STON2: variants seen among roughly 807,000 people sequenced by gnomAD.
The protein encoded by STON2 is stonin 2, also known as stonin-2.
Under a neutral mutation model 65.7 loss-of-function variants are expected in STON2, and 29 were observed. The ratio of observed to expected loss-of-function variants is 0.44; its 90% CI spans 0.33 to 0.60. The LOEUF (loss-of-function observed/expected upper bound fraction) is 0.60. Among genes scored for constraint, STON2 ranks in the 20% least tolerant of loss-of-function variants. STON2 has a pLI of 0.03. For missense variants in STON2, 1,054 were observed against 1,118.1 expected, an observed-to-expected ratio of 0.94 and a Z score of 0.82; for synonymous variants, 404 against 414.2, an observed-to-expected ratio of 0.98 and a Z score of 0.30.
At chr14:81,291,857 G>GTA (rs1895567787) in intron 5 of STON2, among the ~76,000 whole-genome samples, 2 of 112,384 alleles carry the variant, frequency 1.8e-5, no homozygotes, top group East Asian at 2.6e-4. Context: ...CTTAGCATGG[G>GTA]TACACACACA....
chr14:81,315,464 T>TC (rs1309386172), intron 5 of STON2, among the ~76,000 whole-genome samples: 2 of 152,114 alleles, frequency 1.3e-5, no homozygotes, highest in Non-Finnish European at 2.9e-5. Context: ...AAAACAGTGG[T>TC]CCCCCCAGAC....
rs544250151 is a variant in STON2 at position 81,267,244 on chromosome 14, G to A, written c.*1170C>T. On this transcript the variant is annotated 3_prime_UTR_variant, in exon 8 of 8. Coordinates refer to ENST00000614646, the MANE Select transcript of STON2 (RefSeq NM_001394390.1). ...TGAAGAAAAAGAAGATGGAGTGAGC[G>A]TTCTGACTCTTGGAATCAGAATATA... is the stretch of plus-strand genomic sequence containing the variant. The A allele has an allele frequency of 2.1e-5, 21 of 985,196 alleles. No homozygotes were observed. The highest frequency in any genetic ancestry group is 8.7e-5 in the African/African-American group (5 of 57,214). 61.0% of individuals were successfully genotyped at this position (985,196 alleles called of 1,614,324 possible). A position where few individuals can be genotyped will look rare whatever the true frequency, so the allele number is the denominator to read the frequency against.
intron 5 of STON2, among the ~76,000 whole-genome samples, chr14:81,287,849 T>C (rs1021446486): frequency 6.6e-6 from 1 of 152,178 alleles, no homozygotes; most frequent in Admixed American, 6.5e-5. Flanking sequence ...AACTGGCTTA[T>C]TGGTTCCCTG....
At chr14:81,365,495 C>T (rs1468714816) in intron 4 of STON2, among the ~76,000 whole-genome samples, 2 of 152,190 alleles carry the variant, frequency 1.3e-5, no homozygotes, top group South Asian at 2.1e-4. Flanking sequence ...GTGGCTCATG[C>T]CTTTAATCTC....
upstream of STON2, among the ~76,000 whole-genome samples, chr14:81,405,089 G>A (rs778137252): frequency 1.5e-4 from 23 of 152,044 alleles, no homozygotes; most frequent in East Asian, 1.9e-4. Context: ...CATTTTACTC[G>A]AAGTTAGTGG....
chr14:81,424,604 G>T (rs1381587164), intron 2 of STON2, among the ~76,000 whole-genome samples: 4 of 152,048 alleles, frequency 2.6e-5, no homozygotes, highest in African/African-American at 9.7e-5. Flanking sequence ...CAACTTCTCA[G>T]GGACACTTCC....
intron 2 of STON2, among the ~76,000 whole-genome samples, chr14:81,416,617 G>A (rs1901449317): frequency 6.6e-6 from 1 of 152,188 alleles, no homozygotes; most frequent in East Asian, 1.9e-4. Flanking sequence ...TGCCTGTCTG[G>A]GTGCTCCACA....
At chr14:81,388,848 T>C (rs1187664867) in intron 3 of STON2, among the ~76,000 whole-genome samples, 11 of 152,228 alleles carry the variant, frequency 7.2e-5, no homozygotes, top group Non-Finnish European at 1.5e-4. Context: ...TGCTAGTCTC[T>C]TTCCCAACTT....
intron 4 of STON2, among the ~76,000 whole-genome samples, chr14:81,329,944 T>C (rs1227164113): frequency 2.6e-5 from 4 of 152,174 alleles, no homozygotes; most frequent in Admixed American, 6.5e-5. Context: ...GGCACTGATA[T>C]GTTAGGAATG....
intron 5 of STON2, among the ~76,000 whole-genome samples, chr14:81,299,926 C>A (rs1895906173): frequency 6.7e-6 from 1 of 148,772 alleles, no homozygotes. Flanking sequence ...CAATATGATT[C>A]CAATAAAAAC....
intron 4 of STON2, among the ~76,000 whole-genome samples, chr14:81,339,354 G>A (rs944676211): frequency 1.3e-5 from 2 of 152,182 alleles, no homozygotes; most frequent in African/African-American, 4.8e-5. Context: ...CAGAAGGTTT[G>A]TAAATGCGGG....
intron 4 of STON2, among the ~76,000 whole-genome samples, chr14:81,346,311 G>C (rs898278134): frequency 6.6e-6 from 1 of 152,104 alleles, no homozygotes; most frequent in African/African-American, 2.4e-5. Flanking sequence ...ATGTAAAGAA[G>C]AATGTCAGCA....
At chr14:81,318,825 A>C (rs907559335) in intron 5 of STON2, among the ~76,000 whole-genome samples, 2 of 152,238 alleles carry the variant, frequency 1.3e-5, no homozygotes, top group South Asian at 4.1e-4. Flanking sequence ...TGGATGACAG[A>C]GTGAGACTCT....
rs1302236477 is a variant in STON2 at position 81,261,479 on chromosome 14, T to C, written c.*6935A>G. On this transcript the variant is annotated 3_prime_UTR_variant, in exon 8 of 8. Transcript: ENST00000614646. ...ATACCATGAAAGAGATGCTATTTTG[T>C]AGCTTGTACATAGTTTAAAATTTTT... is the stretch of plus-strand genomic sequence containing the variant. 2 of 213,470 alleles carry C rather than the reference T, an allele frequency of 9.4e-6. No individual in the cohort carries two copies. The highest frequency in any genetic ancestry group is 2.0e-4 in the East Asian group (2 of 10,156). 13.2% of individuals were successfully genotyped at this position (213,470 alleles called of 1,614,324 possible). A position where few individuals can be genotyped will look rare whatever the true frequency, so the allele number is the denominator to read the frequency against.
At chr14:81,403,514 G>A (rs1900701145), upstream of STON2, among the ~76,000 whole-genome samples, 2 of 152,144 alleles carry the variant, frequency 1.3e-5, no homozygotes, top group African/African-American at 4.8e-5. Context: ...AATGCTAAAA[G>A]GTACAAGGGC....
intron 4 of STON2, among the ~76,000 whole-genome samples, chr14:81,370,720 CCAAA>C (rs1460449472): frequency 2.6e-5 from 4 of 152,160 alleles, no homozygotes; most frequent in Admixed American, 6.5e-5. Context: ...GGTATTTATA[CCAAA>C]CAGTCAGAAA....
Position 81,267,814 on chromosome 14 carries a change from A to G in STON2, c.*600T>C, listed in dbSNP as rs1326795178. 2 of 985,338 alleles carry G rather than the reference A, an allele frequency of 2.0e-6. No individual in the cohort carries two copies. Among genetic ancestry groups the G allele is most frequent in the Non-Finnish European group, 2.4e-6 (2 of 829,956 alleles). The allele number at this position is 985,338 out of a possible 1,614,324, so 61.0% of individuals were successfully genotyped here. A position where few individuals can be genotyped will look rare whatever the true frequency, so the allele number is the denominator to read the frequency against. ...ACTGAAACCTTAGAGAGATGGAAAAAGTGTTCCAATCTAAACGATCTAGAG... is the reference window on the plus strand; with the variant it reads ...ACTGAAACCTTAGAGAGATGGAAAAGGTGTTCCAATCTAAACGATCTAGAG... On this transcript the variant is annotated 3_prime_UTR_variant, in exon 8 of 8. Coordinates refer to ENST00000614646, the MANE Select transcript of STON2 (RefSeq NM_001394390.1).
At chr14:81,385,660 T>TG (rs1405810013) in intron 3 of STON2, among the ~76,000 whole-genome samples, 1 of 152,196 alleles carries the variant, frequency 6.6e-6, no homozygotes, top group Non-Finnish European at 1.5e-5. Flanking sequence ...GCCCCACAAA[T>TG]GGGAGTCAGT....
intron 5 of STON2, among the ~76,000 whole-genome samples, chr14:81,305,602 ATTTC>A (rs998095667): frequency 3.8e-4 from 57 of 151,554 alleles, no homozygotes; most frequent in African/African-American, 1.4e-3. Flanking sequence ...TCAGGATTTG[ATTTC>A]TTTGTTATTA....
Sources: allele counts gnomAD v4.1 joint callset (sites outside exome capture counted in the v4.1 genomes callset), GRCh38; gene constraint gnomAD v4.1.1; transcripts MANE v1.5; gene names NCBI Gene and HGNC (gene_info 2026-07-23, HGNC 2026-07-21).